PALM2AKAP2: variants seen among roughly 807,000 people sequenced by gnomAD.
PALM2AKAP2 encodes the protein PALM2 and AKAP2 fusion, also known as PALM2-AKAP2 fusion protein.
In PALM2AKAP2, 37 loss-of-function variants were observed where a neutral mutation model predicts 71.5. That is an observed-to-expected ratio of 0.52 (90% CI 0.40 to 0.68). PALM2AKAP2 has a LOEUF of 0.68. PALM2AKAP2 is among the 30% of genes least tolerant of loss of function. The pLI, the probability that PALM2AKAP2 is intolerant of heterozygous loss-of-function variation, is 0.00. For synonymous variants in PALM2AKAP2, 468 were observed against 478.8 expected, an observed-to-expected ratio of 0.98 and a Z score of 0.29; for missense variants, 1,224 against 1,191.8, an observed-to-expected ratio of 1.03 and a Z score of -0.40.
chr9:109,668,577 G>T (rs1029833811), intron 1 of PALM2AKAP2, among the ~76,000 whole-genome samples: 1 of 152,194 alleles, frequency 6.6e-6, no homozygotes, highest in Admixed American at 6.5e-5. Flanking sequence ...GCAAAGCAGA[G>T]TGCAGGATAC....
intron 1 of PALM2AKAP2, among the ~76,000 whole-genome samples, chr9:110,116,402 G>A (rs574790500): frequency 4.0e-5 from 6 of 149,152 alleles, no homozygotes; most frequent in East Asian, 1.9e-4. Flanking sequence ...ATGTGTGTGC[G>A]TGTGCGTGTG....
intron 2 of PALM2AKAP2, among the ~76,000 whole-genome samples, 178 bp downstream of exon 8, chr9:110,138,717 C>G (rs1269190886): frequency 1.3e-5 from 2 of 152,224 alleles, no homozygotes; most frequent in Non-Finnish European, 2.9e-5. Flanking sequence ...AGAGTGTCCT[C>G]TAGAAGAACC....
chr9:109,811,229 T>C (rs1827718462), intron 1 of PALM2AKAP2, among the ~76,000 whole-genome samples: 2 of 152,148 alleles, frequency 1.3e-5, no homozygotes, highest in Non-Finnish European at 2.9e-5. Context: ...GGCAAAGTAT[T>C]GGATTTAATC....
intron 1 of PALM2AKAP2, among the ~76,000 whole-genome samples, chr9:110,117,678 A>G (rs1254567905): frequency 6.6e-6 from 1 of 151,530 alleles, no homozygotes; most frequent in East Asian, 1.9e-4. Context: ...GTGAGAGACA[A>G]GAGAGAGCCA....
intron 1 of PALM2AKAP2, among the ~76,000 whole-genome samples, chr9:109,717,655 T>A (rs1388251577): frequency 3.9e-5 from 6 of 152,246 alleles, no homozygotes; most frequent in Admixed American, 6.5e-5. Context: ...GATAGGCTTT[T>A]GAAGGTTGTG....
intron 1 of PALM2AKAP2, among the ~76,000 whole-genome samples, chr9:109,846,047 T>C (rs957176423): frequency 6.6e-6 from 1 of 152,170 alleles, no homozygotes; most frequent in African/African-American, 2.4e-5. Flanking sequence ...CAGAGGGCCA[T>C]GTGGGGGGCA....
At chr9:110,059,293 C>G (rs1833912168) in intron 1 of PALM2AKAP2, among the ~76,000 whole-genome samples, 1 of 152,176 alleles carries the variant, frequency 6.6e-6, no homozygotes, top group South Asian at 2.1e-4. Context: ...CCAGAAATGT[C>G]TGCTGTCTTG....
chr9:110,091,607 C>T (rs575234178), intron 1 of PALM2AKAP2, among the ~76,000 whole-genome samples: 10 of 151,612 alleles, frequency 6.6e-5, no homozygotes, highest in African/African-American at 1.2e-4. Flanking sequence ...GGACTATAGG[C>T]GCCTGCCTCC....
At chr9:109,964,306 A>G (rs930902537) in intron 6 of PALM2AKAP2, among the ~76,000 whole-genome samples, 5 of 152,108 alleles carry the variant, frequency 3.3e-5, no homozygotes, top group Admixed American at 6.5e-5. Context: ...GGCCCTAGCT[A>G]AATTGGTTTA....
chr9:109,964,286 G>A (rs2132127130), intron 6 of PALM2AKAP2, among the ~76,000 whole-genome samples: 1 of 152,344 alleles, frequency 6.6e-6, no homozygotes, highest in South Asian at 2.1e-4. Flanking sequence ...TTACAGGAAT[G>A]AGAGGTTTTG....
At chr9:109,833,808 A>C (rs1221652603) in intron 1 of PALM2AKAP2, among the ~76,000 whole-genome samples, 1 of 152,212 alleles carries the variant, frequency 6.6e-6, no homozygotes, top group African/African-American at 2.4e-5. Flanking sequence ...CTGGGGAATA[A>C]TACTGCCCCA....
At chr9:109,930,298 T>C (rs1831065381) in intron 5 of PALM2AKAP2, among the ~76,000 whole-genome samples, 1 of 152,022 alleles carries the variant, frequency 6.6e-6, no homozygotes. Context: ...CAATCTTGGC[T>C]CACTGCAACC....
chr9:109,966,705 A>G (rs1831956492), intron 6 of PALM2AKAP2, among the ~76,000 whole-genome samples: 2 of 152,244 alleles, frequency 1.3e-5, no homozygotes, highest in Non-Finnish European at 2.9e-5. Flanking sequence ...ATTTTAAAGC[A>G]TGACCTTAAA....
intron 7 of PALM2AKAP2, among the ~76,000 whole-genome samples, chr9:110,036,475 A>G (rs1433962246): frequency 6.6e-6 from 1 of 152,100 alleles, no homozygotes; most frequent in Non-Finnish European, 1.5e-5. Context: ...TCACCACTCC[A>G]CCATTACCAT....
intron 1 of PALM2AKAP2, among the ~76,000 whole-genome samples, chr9:110,135,627 G>A (rs921204904): frequency 4.6e-5 from 7 of 152,288 alleles, no homozygotes; most frequent in Admixed American, 1.3e-4. Flanking sequence ...GTGAGGCACT[G>A]TAGCCTGTGT....
intron 1 of PALM2AKAP2, among the ~76,000 whole-genome samples, chr9:109,698,625 C>T (rs1828008420): frequency 6.6e-6 from 1 of 152,192 alleles, no homozygotes; most frequent in South Asian, 2.1e-4. Flanking sequence ...AAATGCTTTA[C>T]CCTACCATCT....
chr9:109,691,923 T>C (rs374967267), intron 1 of PALM2AKAP2, among the ~76,000 whole-genome samples: 38 of 119,540 alleles, frequency 3.2e-4, no homozygotes, highest in African/African-American at 8.3e-4. Flanking sequence ...TATATATATA[T>C]ACACATATAT....
At chr9:109,990,696 T>C (rs761375634) in intron 6 of PALM2AKAP2, among the ~76,000 whole-genome samples, 4 of 152,226 alleles carry the variant, frequency 2.6e-5, no homozygotes, top group African/African-American at 7.2e-5. Context: ...TTTACTGCAA[T>C]AGGCATCAGA....
chr9:109,844,437 A>T (rs1296694049), intron 1 of PALM2AKAP2, among the ~76,000 whole-genome samples: 1 of 152,204 alleles, frequency 6.6e-6, no homozygotes, highest in Non-Finnish European at 1.5e-5. Context: ...GGGGGAAAAA[A>T]AATAGTGCAA....
Sources: gnomAD v4.1 joint callset for allele counts (sites outside exome capture counted in the v4.1 genomes callset) on GRCh38, gnomAD v4.1.1 for gene constraint, MANE v1.5 for transcripts, NCBI Gene and HGNC (gene_info 2026-07-23, HGNC 2026-07-21) for gene names.